ACACA: variants seen among roughly 807,000 people sequenced by gnomAD.
ACACA encodes the protein acetyl-CoA carboxylase 1.
Under a neutral mutation model 296.1 loss-of-function variants are expected in ACACA, and 103 were observed. The observed-to-expected ratio is 0.35, with a 90% CI of 0.30 to 0.41. The LOEUF is 0.41. Ranked by LOEUF, ACACA falls within the 10% of genes least tolerant of loss-of-function variation. The pLI, the probability that ACACA is intolerant of heterozygous loss-of-function variation, is 1.00. For synonymous variants in ACACA, 953 were observed against 1,038.6 expected (o/e 0.92, Z 1.58); for missense variants, 1,554 against 2,989.7 (o/e 0.52, Z 11.20).
intron 1 of ACACA, among the ~76,000 whole-genome samples, chr17:37,372,048 C>T (rs2147681319): frequency 6.6e-6 from 1 of 152,236 alleles, no homozygotes; most frequent in East Asian, 1.9e-4. Flanking sequence ...GAGACCCTGC[C>T]TCCATTATTA....
chr17:37,178,787 C>T (rs1217639224), intron 41 of ACACA, among the ~76,000 whole-genome samples: 3 of 151,842 alleles, frequency 2.0e-5, no homozygotes, highest in Non-Finnish European at 2.9e-5. Flanking sequence ...TGTGACAGAG[C>T]GAGACACCAT....
At chr17:37,226,881 C>A (rs967139735) in intron 25 of ACACA, among the ~76,000 whole-genome samples, 1 of 152,168 alleles carries the variant, frequency 6.6e-6, no homozygotes, top group African/African-American at 2.4e-5. Flanking sequence ...AAAAGAACCA[C>A]CCCAGTGGTT....
chr17:37,283,811 A>G (rs2082652691), intron 4 of ACACA, among the ~76,000 whole-genome samples: 1 of 152,252 alleles, frequency 6.6e-6, no homozygotes, highest in South Asian at 2.1e-4. Flanking sequence ...AAAATGAGGT[A>G]CAGAGCACTG....
chr17:37,217,734 C>CAA (rs57846347), intron 29 of ACACA, among the ~76,000 whole-genome samples: 49 of 29,382 alleles, frequency 1.7e-3, no homozygotes, highest in African/African-American at 1.9e-3. Context: ...GACTCCATCT[C>CAA]AAAAAAAAAA....
intron 54 of ACACA, among the ~76,000 whole-genome samples, chr17:37,094,585 C>T (rs61314170): frequency 1.4e-3 from 167 of 122,650 alleles, no homozygotes; most frequent in Non-Finnish European, 2.3e-3. Flanking sequence ...CCCCCCCCCC[C>T]ACACCAAACA....
chr17:37,096,107 G>C (rs577460285), intron 54 of ACACA, among the ~76,000 whole-genome samples: 1 of 152,154 alleles, frequency 6.6e-6, no homozygotes, highest in Non-Finnish European at 1.5e-5. Flanking sequence ...TTGTAGTCAT[G>C]GCATCTCCTG....
intron 3 of ACACA, among the ~76,000 whole-genome samples, chr17:37,325,635 A>G (rs1434638442): frequency 1.7e-5 from 2 of 116,682 alleles, no homozygotes; most frequent in African/African-American, 3.5e-5. Context: ...GTGCAATGGC[A>G]TGATCTCGGC....
chr17:37,273,776 C>T (rs1254737866), intron 9 of ACACA, among the ~76,000 whole-genome samples: 6 of 152,186 alleles, frequency 3.9e-5, no homozygotes, highest in Non-Finnish European at 8.8e-5. Flanking sequence ...ATAAAGCTGA[C>T]TGTTTGATCT....
At position 37,244,663 on chromosome 17, in the gene ACACA, C is replaced by T. The variant is rs976745842; in HGVS notation, c.2667G>A (p.Val889=). ...CCAGATTATCCAGGACATAATGGAACACTCGATGGAGTTTCTCGCCTCTGA... is the reference window on the plus strand; with the variant it reads ...CCAGATTATCCAGGACATAATGGAATACTCGATGGAGTTTCTCGCCTCTGA... ...TALRGEKLHR[V]FHYVLDNLVN... Residue 889 remains valine, a synonymous_variant, in exon 21 of 56, where the codon GTG becomes GTA. Transcript: ENST00000616317. 7 of 1,614,140 alleles carry T rather than the reference C, an allele frequency of 4.3e-6. No homozygotes were observed. The highest frequency in any genetic ancestry group is 5.9e-6 in the Non-Finnish European group (7 of 1,180,006).
chr17:37,091,581 GT>G (rs112410732), intron 54 of ACACA, among the ~76,000 whole-genome samples: 4,919 of 151,634 alleles, frequency 0.032, 216 homozygotes, highest in African/African-American at 0.099. Context: ...GAGTTTACAG[GT>G]TTTTTTTTCT....
chr17:37,313,800 C>T (rs1472822043), intron 3 of ACACA, among the ~76,000 whole-genome samples: 2 of 152,070 alleles, frequency 1.3e-5, no homozygotes, highest in East Asian at 3.8e-4. Context: ...TATGGAGGTT[C>T]CTCAAAAAAC....
rs1046095595 is a variant in ACACA, at chr17:37,365,468, C to G, written c.39-25618G>C. 33 of 985,312 alleles carry G rather than the reference C, an allele frequency of 3.3e-5. No individual in the cohort carries two copies. The African/African-American group carries it at 5.4e-4, about 16-fold the overall frequency. The allele number at this position is 985,312 out of a possible 1,614,324, so 61.0% of individuals were successfully genotyped here. Reference sequence around the variant, plus strand: ...CTGAGAGGCCACTCTGCTCCTGATGCCTGCTTATCCGTCTTCACGTTGTCT... The same window carrying G: ...CTGAGAGGCCACTCTGCTCCTGATGGCTGCTTATCCGTCTTCACGTTGTCT... On this transcript the variant is annotated intron_variant, in intron 1 of 55. Coordinates refer to ENST00000616317, the MANE Select transcript of ACACA (RefSeq NM_198834.3).
At position 37,158,134 on chromosome 17, in the gene ACACA, A is replaced by C. The variant is rs139095282; in HGVS notation, c.5350-2354T>G. On this transcript the variant is annotated intron_variant, in intron 42 of 55. Transcript: ENST00000616317. ...AACTCCAAGGTCTTTTACTTGAACA[A>C]ATGAAACAATAGAGGTACCATCTGT... Among the ~76,000 whole-genome samples the C allele has an allele frequency of 3.0e-3, 464 of 152,288 alleles. 4 individuals carry two copies. In the South Asian group the frequency reaches 0.033, roughly 11 times the overall value.
intron 54 of ACACA, among the ~76,000 whole-genome samples, chr17:37,090,550 C>A (rs192222123): frequency 2.8e-3 from 422 of 152,272 alleles, no homozygotes; most frequent in Non-Finnish European, 4.2e-3. Flanking sequence ...ACCTGAGTGA[C>A]CCTCTCCTCT....
At chr17:37,161,216 G>A (rs1245116119) in intron 42 of ACACA, among the ~76,000 whole-genome samples, 1 of 152,320 alleles carries the variant, frequency 6.6e-6, no homozygotes, top group South Asian at 2.1e-4. Context: ...GATGACATGA[G>A]ATTCAAAGAT....
chr17:37,161,587 C>G, intron 42 of ACACA, 194 bp downstream of exon 42: 1 of 676,904 alleles, frequency 1.5e-6, no homozygotes. Context: ...GGAAGAAAAA[C>G]CAAGTGAACA....
intron 19 of ACACA, among the ~76,000 whole-genome samples, 189 bp from the exon 20 acceptor site, chr17:37,245,403 T>A (rs949975505): frequency 5.9e-5 from 9 of 152,214 alleles, no homozygotes; most frequent in Admixed American, 6.5e-5. Context: ...AGTACCTCAC[T>A]TTAGGAATTA....
chr17:37,305,569 G>C (rs1322021216), intron 3 of ACACA, among the ~76,000 whole-genome samples: 1 of 152,164 alleles, frequency 6.6e-6, no homozygotes, highest in African/African-American at 2.4e-5. Flanking sequence ...GTTACTTTCC[G>C]TTGGGCCTTA....
rs778738087 is a variant in ACACA, at chr17:37,161,846, C to T, written c.5284G>A (p.Gly1762Arg). 3.1e-6 allele frequency: 5 copies of T among 1,613,942 alleles called. No individual in the cohort carries two copies. The highest frequency in any genetic ancestry group is 1.3e-5 in the African/African-American group (1 of 74,900). ...YVSANSGARI[G>R]LAEEIRHMFH... ...ATATGGCGAATTTCTTCTGCCAGTC[C>T]GATTCTTGCTCCACTGTTGGCTGAT... Residue 1762 changes from glycine (G) to arginine (R), a missense_variant, in exon 42 of 56, where the codon GGA becomes AGA. By Grantham distance (125) the Gly-to-Arg change is moderately radical (BLOSUM62 -2). This residue lies in a region of ACACA where 553 missense variants were observed against 1,043.6 expected (regional missense o/e 0.53). Coordinates refer to ENST00000616317, the MANE Select transcript of ACACA (RefSeq NM_198834.3).
Sources: allele counts gnomAD v4.1 joint callset (sites outside exome capture counted in the v4.1 genomes callset), GRCh38; gene constraint gnomAD v4.1.1; regional missense constraint gnomAD v4.1.1; transcripts MANE v1.5; gene names NCBI Gene and HGNC (gene_info 2026-07-23, HGNC 2026-07-21).